TSPAN2: variants seen among roughly 807,000 people sequenced by gnomAD.
TSPAN2 encodes the protein tetraspanin 2.
A neutral mutation model predicts 33.3 loss-of-function variants in TSPAN2; 24 were observed. The observed-to-expected ratio is 0.72, with a 90% CI of 0.52 to 1.01. The LOEUF (loss-of-function observed/expected upper bound fraction) is 1.01. Among genes scored for constraint, TSPAN2 ranks in the 50% least tolerant of loss-of-function variants. The pLI is 0.00. For synonymous variants in TSPAN2, 114 were observed against 104.5 expected (o/e 1.09, Z -0.56); for missense variants, 278 against 281.3 (o/e 0.99, Z 0.08).
At chr1:115,067,680 CT>C (rs1473993463) in intron 2 of TSPAN2, among the ~76,000 whole-genome samples, 1 of 152,210 alleles carries the variant, frequency 6.6e-6, no homozygotes, top group Non-Finnish European at 1.5e-5. Flanking sequence ...CTTGGAGACT[CT>C]GAGTTCCACA....
intron 5 of TSPAN2, among the ~76,000 whole-genome samples, chr1:115,058,628 C>T (rs1647531191): frequency 6.6e-6 from 1 of 152,176 alleles, no homozygotes; most frequent in South Asian, 2.1e-4. Flanking sequence ...TGTTTGTGCT[C>T]TTTTGTCTCT....
chr1:115,066,910 A>G (rs1182314125), intron 2 of TSPAN2, among the ~76,000 whole-genome samples: 1 of 152,154 alleles, frequency 6.6e-6, no homozygotes, highest in South Asian at 2.1e-4. Flanking sequence ...ATTTCCTTTG[A>G]GAGTCAGGAT....
rs1203976149 is a variant in TSPAN2, at chr1:115,060,521, C to T, written c.288G>A (p.Leu96=). The T allele has an allele frequency of 6.2e-7, 1 of 1,613,206 alleles. No individual in the cohort carries two copies. The highest frequency in any genetic ancestry group is 1.3e-5 in the African/African-American group (1 of 74,994). Residue 96 remains leucine, a synonymous_variant, in exon 4 of 8, where the codon CTG becomes CTA. Transcript: ENST00000369516. Reference sequence around the variant, plus strand: ...TGGTTACTTCAGCAGCAAATATCACCAGGAGGCAGGTAAAAAACTGTAGAG... The same window carrying T: ...TGGTTACTTCAGCAGCAAATATCACTAGGAGGCAGGTAAAAAACTGTAGAG... ...CVLGSFFTCL[L]VIFAAEVTTG...
At chr1:115,059,141 T>C (rs977108647) in intron 4 of TSPAN2, among the ~76,000 whole-genome samples, 160 bp from the exon 5 acceptor site, 2 of 151,438 alleles carry the variant, frequency 1.3e-5, no homozygotes, top group Non-Finnish European at 2.9e-5. Context: ...AGGGTAGGAG[T>C]GAGGTGAGGG....
chr1:115,077,492 A>G (rs1045702542), intron 1 of TSPAN2, among the ~76,000 whole-genome samples: 1 of 152,232 alleles, frequency 6.6e-6, no homozygotes, highest in Non-Finnish European at 1.5e-5. Flanking sequence ...GGAGGACACG[A>G]AATTGCAAAT....
At chr1:115,071,085 T>A (rs1478695047) in intron 2 of TSPAN2, among the ~76,000 whole-genome samples, 1 of 152,152 alleles carries the variant, frequency 6.6e-6, no homozygotes, top group Non-Finnish European at 1.5e-5. Context: ...GCTTTTTCCT[T>A]GTCACAAAAT....
At position 115,057,538 on chromosome 1, in the gene TSPAN2, T is replaced by C. The variant is rs772796103; in HGVS notation, c.515A>G (p.Lys172Arg). The C allele has an allele frequency of 6.9e-5, 111 of 1,613,930 alleles. No homozygotes were observed. The highest frequency in any genetic ancestry group is 9.0e-5 in the Non-Finnish European group (106 of 1,179,902). The change falls in exon 6 of 8, where the codon AAG (lysine) becomes AGG (arginine). Residue 172 changes from lysine (K) to arginine (R), a missense_variant and splice_region_variant. Lys to Arg is a conservative substitution (Grantham distance 26). Coordinates refer to ENST00000369516, the MANE Select transcript of TSPAN2 (RefSeq NM_005725.6). ...GTAAGAACCTTGGTAGAAGCTTACC[T>C]TGTGTCCTAGAAGCTCCTTTGGGCA... ...PTCPKELLGH[K>R]NCIDEIETII... is the part of the protein sequence containing the mutation.
At position 115,048,243 on chromosome 1, in the gene TSPAN2, T is replaced by C. The variant is rs953668348; in HGVS notation, c.*2247A>G. The stretch of plus-strand genomic sequence containing the variant: ...TATTCAAATTATATACATATAAAGA[T>C]ATTTGTAGATTCAAGATATATAGGG... On this transcript the variant is annotated 3_prime_UTR_variant, in exon 8 of 8. Transcript: ENST00000369516. 7.3e-5 allele frequency: 11 copies of C among 149,684 alleles called. No homozygotes were observed. The highest frequency in any genetic ancestry group is 5.8e-4 in the East Asian group (3 of 5,138). The allele number at this position is 149,684 out of a possible 1,614,324, so 9.3% of individuals were successfully genotyped here.
intron 3 of TSPAN2, 152 bp downstream of exon 3, chr1:115,061,983 G>T: frequency 1.5e-6 from 1 of 652,146 alleles, no homozygotes; most frequent in Non-Finnish European, 2.7e-6. Context: ...TATAAGAGAT[G>T]GAGAAACCAA....
intron 1 of TSPAN2, among the ~76,000 whole-genome samples, chr1:115,085,824 C>T (rs1269158576): frequency 6.6e-6 from 1 of 152,130 alleles, no homozygotes; most frequent in Non-Finnish European, 1.5e-5. Flanking sequence ...TGCCTCCACC[C>T]CCACCCCCCA....
At position 115,078,926 on chromosome 1, in the gene TSPAN2, C is replaced by T. The variant is rs148362003; in HGVS notation, c.70-5919G>A. On this transcript the variant is annotated intron_variant, in intron 1 of 7. Coordinates refer to ENST00000369516, the MANE Select transcript of TSPAN2 (RefSeq NM_005725.6). ...TACCTTCGAAGGCACTGTGTGAACA[C>T]GCTGTTGAATATGCTCAGCAAAACA... is the stretch of plus-strand genomic sequence containing the variant. Among the ~76,000 whole-genome samples, 326 of 152,278 alleles carry T rather than the reference C, an allele frequency of 2.1e-3. 2 individuals are homozygous for T. The highest frequency in any genetic ancestry group is 7.5e-3 in the African/African-American group (311 of 41,550).
At chr1:115,057,456 A>C (rs1647476411) in intron 6 of TSPAN2, 81 bp downstream of exon 6, 1 of 1,339,830 alleles carries the variant, frequency 7.5e-7, no homozygotes, top group Middle Eastern at 1.8e-4. Context: ...TGCAGATCCC[A>C]TCCGAGATTC....
intron 1 of TSPAN2, among the ~76,000 whole-genome samples, chr1:115,079,206 A>G (rs1261730571): frequency 6.6e-6 from 1 of 151,966 alleles, no homozygotes; most frequent in Non-Finnish European, 1.5e-5. Context: ...GAACAAAATC[A>G]ATTCTGTATT....
chr1:115,072,945 C>G lies in TSPAN2; in HGVS notation c.132G>C (p.Glu44Asp). 6.2e-7 allele frequency: 1 copy of G among 1,614,204 alleles called. No individual in the cohort carries two copies. Among genetic ancestry groups the G allele is most frequent in the Non-Finnish European group, 8.5e-7 (1 of 1,180,026 alleles). ...LWFRFGGAIK[E>D]LSSEDKSPEY... ...CTGGGGACTTGTCCTCTGATGATAA[C>G]TCCTTTATGGCACCTCCGAACCGAA... Residue 44 changes from glutamate (E) to aspartate (D), a missense_variant, in exon 2 of 8, where the codon GAG becomes GAC. Glu to Asp is a conservative substitution (Grantham distance 45, BLOSUM62 2). Transcript: ENST00000369516.
In TSPAN2 at chr1:115,048,666, G is replaced by C. The variant is rs1675227454; in HGVS notation, c.*1824C>G. 1 of 152,060 alleles carries C rather than the reference G, an allele frequency of 6.6e-6. No homozygotes were observed. The highest frequency in any genetic ancestry group is 1.5e-5 in the Non-Finnish European group (1 of 67,956). The allele number at this position is 152,060 out of a possible 1,614,324, so 9.4% of individuals were successfully genotyped here. A position where few individuals can be genotyped will look rare whatever the true frequency, so the allele number is the denominator to read the frequency against. ...GGCCTGTTTCCTGTCTTCAGGCAGAGAGATAAACTAAAGCTAAGAGAGATG... is the reference window on the plus strand; with the variant it reads ...GGCCTGTTTCCTGTCTTCAGGCAGACAGATAAACTAAAGCTAAGAGAGATG... On this transcript the variant is annotated 3_prime_UTR_variant, in exon 8 of 8. Transcript: ENST00000369516.
intron 1 of TSPAN2, among the ~76,000 whole-genome samples, chr1:115,079,629 G>A (rs1648549708): frequency 2.6e-5 from 4 of 152,190 alleles, no homozygotes; most frequent in Admixed American, 2.0e-4. Flanking sequence ...AATGCCATAT[G>A]ACATCTATGT....
Position 115,053,360 on chromosome 1 carries a change from A to G in TSPAN2, c.600+19T>C. 1 of 1,611,888 alleles carries G rather than the reference A, an allele frequency of 6.2e-7. No homozygotes were observed. The highest frequency in any genetic ancestry group is 8.5e-7 in the Non-Finnish European group (1 of 1,178,096). On this transcript the variant is annotated intron_variant, in intron 7 of 7. Coordinates refer to ENST00000369516, the MANE Select transcript of TSPAN2 (RefSeq NM_005725.6). ...GGCTTTTTAGAGGGCAAAAAGGGTA[A>G]GTTCTAGAACTTTCTCACCGTCAGA... is the stretch of plus-strand genomic sequence containing the variant.
At chr1:115,056,037 C>T (rs1647407889) in intron 6 of TSPAN2, among the ~76,000 whole-genome samples, 1 of 152,052 alleles carries the variant, frequency 6.6e-6, no homozygotes, top group African/African-American at 2.4e-5. Flanking sequence ...ATACTTAATC[C>T]TCTAGTCTTA....
chr1:115,053,344 G>A (rs563100102), intron 7 of TSPAN2, 35 bp downstream of exon 7: 1 of 1,582,558 alleles, frequency 6.3e-7, no homozygotes, highest in Non-Finnish European at 8.7e-7. Context: ...AGGCTTTTTA[G>A]AGGGCAAAAA....
Sources: allele counts gnomAD v4.1 joint callset (sites outside exome capture counted in the v4.1 genomes callset), GRCh38; gene constraint gnomAD v4.1.1; transcripts MANE v1.5; gene names NCBI Gene and HGNC (gene_info 2026-07-23, HGNC 2026-07-21).